Variants in ZBTB20 observed in about 807,000 individuals in gnomAD.
ZBTB20 encodes zinc finger and BTB domain containing 20.
ZBTB20 carries 9 observed loss-of-function variants against 56.9 expected under a neutral mutation model. That is an observed-to-expected ratio of 0.16 (90% confidence interval 0.10 to 0.28). ZBTB20 has a LOEUF of 0.28. Among genes scored for constraint, ZBTB20 ranks in the 10% least tolerant of loss-of-function variants. The probability of loss-of-function intolerance (pLI) is 1.00; values close to 1 mark genes in which losing one functional copy is unlikely to be tolerated. For synonymous variants in ZBTB20, 417 were observed against 420.7 expected, an observed-to-expected ratio of 0.99 and a Z score of 0.11; for missense variants, 655 against 1,003.0, an observed-to-expected ratio of 0.65 and a Z score of 4.69.
chr3:114,739,670 T>G, intron 5 of ZBTB20, among the ~76,000 whole-genome samples: 1 of 152,260 alleles, frequency 6.6e-6, no homozygotes, highest in East Asian at 1.9e-4. Flanking sequence ...TTTTAGATCT[T>G]AATTATTTTG....
intron 6 of ZBTB20, chr3:114,624,201 C>G (rs541536570): frequency 6.6e-6 from 1 of 151,974 alleles, no homozygotes; most frequent in Non-Finnish European, 1.5e-5. Flanking sequence ...CTGTTAAGCT[C>G]CCTGCTCTGA....
chr3:114,686,736 CT>C (rs1202066196), intron 6 of ZBTB20, among the ~76,000 whole-genome samples: 1 of 152,162 alleles, frequency 6.6e-6, no homozygotes, highest in African/African-American at 2.4e-5. Context: ...TTTATTCCCC[CT>C]GAAGGCCTTC....
chr3:114,682,518 C>G (rs2062042138), intron 6 of ZBTB20, among the ~76,000 whole-genome samples: 1 of 152,146 alleles, frequency 6.6e-6, no homozygotes, highest in Non-Finnish European at 1.5e-5. Flanking sequence ...CATCTCTAAC[C>G]TACTGTGTTT....
intron 3 of ZBTB20, among the ~76,000 whole-genome samples, chr3:114,925,317 G>C (rs2076115582): frequency 6.6e-6 from 1 of 151,824 alleles, no homozygotes; most frequent in South Asian, 2.1e-4. Flanking sequence ...TTTCTCTGCT[G>C]AGATTTCCTA....
At chr3:114,918,513 C>G (rs1435251182) in intron 3 of ZBTB20, among the ~76,000 whole-genome samples, 1 of 152,140 alleles carries the variant, frequency 6.6e-6, no homozygotes, top group Admixed American at 6.5e-5. Flanking sequence ...ACTCAATGCC[C>G]ATGACATGTA....
rs528160210 is a variant in ZBTB20 at position 114,682,434 on chromosome 3, A to AG, written c.-295+11093dup. Among the ~76,000 whole-genome samples, 9 of 152,274 alleles carry AG rather than the reference A, an allele frequency of 5.9e-5. No individual in the cohort carries two copies. The East Asian group carries it at 1.7e-3, about 29-fold the overall frequency. ...CTCCTTTTTTGAGATCATAATACTG[A>AG]GGGGGGAGAAAATCAGTAGAAATGT... is the stretch of plus-strand genomic sequence containing the variant. On this transcript the variant is annotated intron_variant, in intron 6 of 11. Coordinates refer to ENST00000675478, the MANE Select transcript of ZBTB20 (RefSeq NM_001348800.3).
At chr3:114,555,033 C>T (rs1159854258) in intron 6 of ZBTB20, among the ~76,000 whole-genome samples, 2 of 152,118 alleles carry the variant, frequency 1.3e-5, no homozygotes, top group African/African-American at 4.8e-5. Context: ...TACCAGAAAA[C>T]TAGAGACAGA....
intron 3 of ZBTB20, among the ~76,000 whole-genome samples, chr3:114,916,183 ATCTC>A (rs1307999818): frequency 6.6e-6 from 1 of 152,040 alleles, no homozygotes; most frequent in African/African-American, 2.4e-5. Flanking sequence ...ACTGGGGTCT[ATCTC>A]TCTGTTAAGC....
intron 11 of ZBTB20, among the ~76,000 whole-genome samples, chr3:114,346,547 T>A (rs955165904): frequency 6.6e-6 from 1 of 152,152 alleles, no homozygotes; most frequent in Non-Finnish European, 1.5e-5. Flanking sequence ...CAATCGTCTT[T>A]CATTTATGCC....
At position 114,795,913 on chromosome 3, in the gene ZBTB20, T is replaced by C. The variant is rs924778124; in HGVS notation, c.-343+5188A>G. Among the ~76,000 whole-genome samples, 8 of 152,066 alleles carry C rather than the reference T, an allele frequency of 5.3e-5. 1 individual carries two copies. The highest frequency in any genetic ancestry group is 7.4e-5 in the Non-Finnish European group (5 of 67,972). ...TGTTAATTAAATATGGACTATTCCCTTAAAATTTTGTTTTCTAGTAAAGGA... is the reference window on the plus strand; with the variant it reads ...TGTTAATTAAATATGGACTATTCCCCTAAAATTTTGTTTTCTAGTAAAGGA... On this transcript the variant is annotated intron_variant, in intron 5 of 11. Transcript: ENST00000675478.
chr3:114,842,984 T>C (rs970213293), intron 4 of ZBTB20, among the ~76,000 whole-genome samples: 6 of 152,142 alleles, frequency 3.9e-5, no homozygotes, highest in Non-Finnish European at 5.9e-5. Flanking sequence ...TCTTCTGTGA[T>C]AGTAAGTGAG....
intron 1 of ZBTB20, among the ~76,000 whole-genome samples, chr3:115,146,109 A>G (rs1397835533): frequency 6.6e-6 from 1 of 152,232 alleles, no homozygotes; most frequent in Non-Finnish European, 1.5e-5. Flanking sequence ...TACACCCGCA[A>G]GCTTCCAAAC....
At chr3:115,007,772 T>A (rs1234430497) in intron 2 of ZBTB20, among the ~76,000 whole-genome samples, 4 of 151,974 alleles carry the variant, frequency 2.6e-5, no homozygotes, top group Admixed American at 2.6e-4. Flanking sequence ...ATAACATAAT[T>A]TAATTATTCC....
intron 1 of ZBTB20, among the ~76,000 whole-genome samples, chr3:115,113,694 T>C (rs1178238674): frequency 6.6e-6 from 1 of 152,216 alleles, no homozygotes; most frequent in Admixed American, 6.5e-5. Context: ...GAAGTGTCCA[T>C]AGGAGTGCGG....
At chr3:114,455,321 G>A (rs1379203633) in intron 7 of ZBTB20, among the ~76,000 whole-genome samples, 1 of 152,090 alleles carries the variant, frequency 6.6e-6, no homozygotes, top group Non-Finnish European at 1.5e-5. Context: ...AAGACTGTTG[G>A]TGTGTTCTGA....
chr3:114,971,749 C>G (rs1237695040), intron 3 of ZBTB20, among the ~76,000 whole-genome samples: 1 of 152,158 alleles, frequency 6.6e-6, no homozygotes, highest in Non-Finnish European at 1.5e-5. Context: ...GGAACTTAAA[C>G]TCCTCTGGGC....
At chr3:114,488,902 T>C (rs2042430653) in intron 7 of ZBTB20, among the ~76,000 whole-genome samples, 1 of 152,152 alleles carries the variant, frequency 6.6e-6, no homozygotes. Context: ...TAGATCTATA[T>C]TTATTAACAT....
At chr3:115,036,756 CATAG>C (rs908842466) in intron 2 of ZBTB20, among the ~76,000 whole-genome samples, 1 of 152,152 alleles carries the variant, frequency 6.6e-6, no homozygotes, top group Admixed American at 6.5e-5. Flanking sequence ...CCCAAAAATA[CATAG>C]ATAGGGAACT....
intron 10 of ZBTB20, among the ~76,000 whole-genome samples, chr3:114,353,809 G>A (rs974194942): frequency 1.3e-5 from 2 of 152,166 alleles, no homozygotes; most frequent in Non-Finnish European, 2.9e-5. Context: ...AGCAACCATG[G>A]GAAGTAGATG....
Sources: allele counts gnomAD v4.1 joint callset (sites outside exome capture counted in the v4.1 genomes callset), GRCh38; gene constraint gnomAD v4.1.1; transcripts MANE v1.5; gene names NCBI Gene and HGNC (gene_info 2026-07-23, HGNC 2026-07-21).